The following CNTNAP2 variants were observed in gnomAD, a reference collection of about 807,000 sequenced individuals.
The protein encoded by CNTNAP2 is contactin-associated protein-like 2.
In CNTNAP2, 98 loss-of-function variants were observed where a neutral mutation model predicts 155.2. The ratio of observed to expected loss-of-function variants is 0.63; its 90% CI spans 0.54 to 0.75. The LOEUF is 0.75. Ranked by LOEUF, CNTNAP2 falls within the 30% of genes least tolerant of loss-of-function variation. The pLI is 0.00. For missense variants in CNTNAP2, 1,727 were observed against 1,688.1 expected, an observed-to-expected ratio of 1.02 and a Z score of -0.40; for synonymous variants, 651 against 631.2, an observed-to-expected ratio of 1.03 and a Z score of -0.47.
chr7:147,020,627 A>G (rs1313667894), intron 3 of CNTNAP2, among the ~76,000 whole-genome samples: 1 of 152,186 alleles, frequency 6.6e-6, no homozygotes, highest in Non-Finnish European at 1.5e-5. Flanking sequence ...GCCCAGTTTG[A>G]TAGGAAATTT....
chr7:147,985,959 T>C (rs1019525619), intron 15 of CNTNAP2, among the ~76,000 whole-genome samples: 1 of 152,160 alleles, frequency 6.6e-6, no homozygotes, highest in African/African-American at 2.4e-5. Context: ...ACATGAAATC[T>C]GGATTTTAGA....
rs1439165098 is a variant in CNTNAP2, at chr7:147,282,833, C to T, written c.1349-17308C>T. ...CTGGTCTTGAACTCCTAGTCTCAAGCAACTTTCCTGCTTTGGCCTCCCAAA... is the reference window on the plus strand; with the variant it reads ...CTGGTCTTGAACTCCTAGTCTCAAGTAACTTTCCTGCTTTGGCCTCCCAAA... On this transcript the variant is annotated intron_variant, in intron 8 of 23. Coordinates refer to ENST00000361727, the MANE Select transcript of CNTNAP2 (RefSeq NM_014141.6). Among the ~76,000 whole-genome samples the T allele has an allele frequency of 3.3e-5, 5 of 151,810 alleles. No individual in the cohort carries two copies. The East Asian group carries it at 9.7e-4, about 29-fold the overall frequency.
chr7:147,330,387 A>G (rs1242781609), intron 9 of CNTNAP2, among the ~76,000 whole-genome samples: 2 of 152,110 alleles, frequency 1.3e-5, no homozygotes, highest in Admixed American at 1.3e-4. Context: ...AAACCACTAG[A>G]TACAAATAAA....
intron 10 of CNTNAP2, among the ~76,000 whole-genome samples, chr7:147,458,988 C>G (rs1450861451): frequency 1.3e-5 from 2 of 151,662 alleles, no homozygotes; most frequent in Non-Finnish European, 2.9e-5. Flanking sequence ...TTTTTTACCA[C>G]TGTGCCACTA....
chr7:146,258,297 T>G (rs1799869460), intron 1 of CNTNAP2, among the ~76,000 whole-genome samples: 1 of 152,230 alleles, frequency 6.6e-6, no homozygotes, highest in Non-Finnish European at 1.5e-5. Context: ...AATTCCTTAA[T>G]AAATATAGTT....
chr7:148,400,763 C>T lies in CNTNAP2; in HGVS notation c.3716-8628C>T, dbSNP rs531523457. On this transcript the variant is annotated intron_variant, in intron 22 of 23. Coordinates refer to ENST00000361727, the MANE Select transcript of CNTNAP2 (RefSeq NM_014141.6). The stretch of plus-strand genomic sequence containing the variant: ...TTGGGAGGCTGAGGCAAGCAGATCA[C>T]GAGGTCAGGAGTTCGAGACCAGCCT... Among the ~76,000 whole-genome samples the T allele has an allele frequency of 4.3e-4, 66 of 152,218 alleles. No homozygotes were observed. The Middle Eastern group carries it at 0.01, about 24-fold the overall frequency.
intron 1 of CNTNAP2, among the ~76,000 whole-genome samples, chr7:146,601,433 T>G (rs1440076424): frequency 1.3e-5 from 2 of 152,134 alleles, no homozygotes; most frequent in Non-Finnish European, 2.9e-5. Context: ...AAAATTCTAC[T>G]GCTTACTGTA....
intron 1 of CNTNAP2, among the ~76,000 whole-genome samples, chr7:146,620,088 C>T (rs1344296305): frequency 2.6e-5 from 4 of 152,084 alleles, no homozygotes; most frequent in Non-Finnish European, 5.9e-5. Flanking sequence ...CTTAACAGTT[C>T]TGTTCACTGG....
chr7:147,175,641 C>T (rs2116486719), intron 8 of CNTNAP2, among the ~76,000 whole-genome samples: 1 of 152,260 alleles, frequency 6.6e-6, no homozygotes, highest in Non-Finnish European at 1.5e-5. Flanking sequence ...GCCCTGAGGT[C>T]CACCCACAGC....
At chr7:147,995,491 C>T (rs1801786428) in intron 15 of CNTNAP2, among the ~76,000 whole-genome samples, 1 of 151,818 alleles carries the variant, frequency 6.6e-6, no homozygotes, top group Admixed American at 6.6e-5. Flanking sequence ...TCATACTCCA[C>T]TTCCACCTGG....
At chr7:146,639,166 A>G (rs1360615586) in intron 1 of CNTNAP2, among the ~76,000 whole-genome samples, 6 of 152,244 alleles carry the variant, frequency 3.9e-5, no homozygotes, top group African/African-American at 1.4e-4. Flanking sequence ...GATAGCAACT[A>G]TATGAATATT....
chr7:147,102,348 A>T lies in CNTNAP2; in HGVS notation c.551-5799A>T, dbSNP rs1800674971. On this transcript the variant is annotated intron_variant, in intron 4 of 23. Transcript: ENST00000361727. The stretch of plus-strand genomic sequence containing the variant: ...TGGCTTGAGTGACTGGATAATGGAT[A>T]TAATAAAAGTAGTGGGGCCCAGAGA... Among the ~76,000 whole-genome samples the T allele has an allele frequency of 1.3e-5, 2 of 151,524 alleles. 1 individual carries two copies. The highest frequency in any genetic ancestry group is 1.3e-4 in the Admixed American group (2 of 15,230).
chr7:147,452,482 A>G (rs969775031), intron 10 of CNTNAP2, among the ~76,000 whole-genome samples: 11 of 152,174 alleles, frequency 7.2e-5, no homozygotes, highest in Admixed American at 1.3e-4. Flanking sequence ...CATTTCTTTA[A>G]ATCTAATTAA....
intron 1 of CNTNAP2, among the ~76,000 whole-genome samples, chr7:146,306,477 C>G (rs1800714932): frequency 6.6e-6 from 1 of 152,146 alleles, no homozygotes; most frequent in South Asian, 2.1e-4. Context: ...CCCTGATGAA[C>G]ATTGATGCAA....
chr7:147,367,861 T>G (rs1796261888), intron 9 of CNTNAP2, among the ~76,000 whole-genome samples: 1 of 151,332 alleles, frequency 6.6e-6, no homozygotes, highest in Non-Finnish European at 1.5e-5. Context: ...CCATGGACCA[T>G]TGGTGTTAGA....
chr7:146,869,896 T>C (rs1795272674), intron 3 of CNTNAP2, among the ~76,000 whole-genome samples: 2 of 152,194 alleles, frequency 1.3e-5, no homozygotes. Flanking sequence ...TAATCTCTTC[T>C]GGTAACACTC....
chr7:147,441,266 T>C (rs1301550872), intron 10 of CNTNAP2, among the ~76,000 whole-genome samples: 1 of 152,088 alleles, frequency 6.6e-6, no homozygotes. Context: ...CTTCAGTATG[T>C]CAGTTGCATT....
At chr7:147,452,763 T>C (rs79016589) in intron 10 of CNTNAP2, among the ~76,000 whole-genome samples, 1,895 of 152,232 alleles carry the variant, frequency 0.012, 36 homozygotes, top group African/African-American at 0.043. Flanking sequence ...CAGGTCTCCC[T>C]AGCTTACTGC....
intron 5 of CNTNAP2, among the ~76,000 whole-genome samples, chr7:147,116,132 C>G (rs77362960): frequency 6.6e-6 from 1 of 152,018 alleles, no homozygotes; most frequent in South Asian, 2.1e-4. Context: ...TTTCCTGTAC[C>G]TGGAAGTATA....
Sources: gnomAD v4.1 joint callset for allele counts (sites outside exome capture counted in the v4.1 genomes callset) on GRCh38, gnomAD v4.1.1 for gene constraint, MANE v1.5 for transcripts, NCBI Gene and HGNC (gene_info 2026-07-23, HGNC 2026-07-21) for gene names.